The following DNAH11 variants were observed in gnomAD, a reference collection of about 807,000 sequenced individuals.
The protein encoded by DNAH11 is axonemal beta dynein heavy chain 11.
A neutral mutation model predicts 526.0 loss-of-function variants in DNAH11; 442 were observed. That is an observed-to-expected ratio of 0.84 (90% CI 0.78 to 0.91). The LOEUF is 0.91. DNAH11 is among the 40% of genes least tolerant of loss of function. The pLI is 0.00. For synonymous variants in DNAH11, 2,461 were observed against 1,935.9 expected (o/e 1.27, Z -7.12); for missense variants, 6,989 against 5,448.7 (o/e 1.28, Z -8.90).
At chr7:21,734,161 G>A (rs1189238141) in intron 45 of DNAH11, among the ~76,000 whole-genome samples, 1 of 152,180 alleles carries the variant, frequency 6.6e-6, no homozygotes, top group Non-Finnish European at 1.5e-5. Context: ...CTTACTAGTA[G>A]CTATGACCTT....
intron 63 of DNAH11, among the ~76,000 whole-genome samples, chr7:21,813,442 G>T (rs1385023918): frequency 1.3e-5 from 2 of 152,166 alleles, no homozygotes; most frequent in Non-Finnish European, 2.9e-5. Context: ...TGGAAAGAAT[G>T]AATCTATATG....
chr7:21,860,781 A>G (rs1217311818), intron 68 of DNAH11, among the ~76,000 whole-genome samples: 3 of 152,202 alleles, frequency 2.0e-5, no homozygotes, highest in Non-Finnish European at 2.9e-5. Flanking sequence ...TGATTTATAA[A>G]GAAAAAGAGG....
chr7:21,603,414 T>G (rs1785166698), intron 18 of DNAH11, among the ~76,000 whole-genome samples: 1 of 152,238 alleles, frequency 6.6e-6, no homozygotes, highest in African/African-American at 2.4e-5. Flanking sequence ...TTCTTTTCAG[T>G]ACACCTAGGA....
chr7:21,901,012 C>G lies in DNAH11; in HGVS notation c.13309C>G (p.Arg4437Gly). ...YLHGLFMEGA[R>G]WDTQAGTIVE... is the part of the protein sequence containing the mutation. The stretch of plus-strand genomic sequence containing the variant: ...CCGCTGTGTTTTTGCCATAGGCGCC[C>G]GCTGGGACACCCAAGCAGGAACCAT... The change falls in exon 82 of 82, where the codon CGC becomes GGC. Residue 4437 changes from arginine (R) to glycine (G), a missense_variant. Transcript: ENST00000409508. 1 of 1,591,692 alleles carries G rather than the reference C, an allele frequency of 6.3e-7. No individual in the cohort carries two copies. Among genetic ancestry groups the G allele is most frequent in the South Asian group, 1.1e-5 (1 of 87,582 alleles).
chr7:21,808,786 G>A (rs906842058), intron 63 of DNAH11, among the ~76,000 whole-genome samples: 5 of 152,114 alleles, frequency 3.3e-5, no homozygotes, highest in Admixed American at 2.0e-4. Context: ...CCCATCTGTT[G>A]TTGGACACTT....
intron 26 of DNAH11, among the ~76,000 whole-genome samples, chr7:21,637,241 C>G (rs1194094260): frequency 6.6e-6 from 1 of 151,852 alleles, no homozygotes; most frequent in African/African-American, 2.4e-5. Flanking sequence ...TCTCCTCCCC[C>G]TCTGCCCCCA....
intron 61 of DNAH11, among the ~76,000 whole-genome samples, chr7:21,794,277 G>T (rs967751904): frequency 7.2e-5 from 11 of 152,108 alleles, no homozygotes; most frequent in African/African-American, 2.2e-4. Flanking sequence ...ATTTGGAGAG[G>T]TCATGGCTCC....
At chr7:21,552,516 T>C (rs1213786127) in intron 2 of DNAH11, among the ~76,000 whole-genome samples, 1 of 152,132 alleles carries the variant, frequency 6.6e-6, no homozygotes, top group Non-Finnish European at 1.5e-5. Context: ...ACTTGCAATC[T>C]CCATTCGTCT....
In DNAH11 at chr7:21,591,008, A is replaced by G; in HGVS notation, c.2260A>G (p.Asn754Asp). 1 of 1,512,174 alleles carries G rather than the reference A, an allele frequency of 6.6e-7. No individual in the cohort carries two copies. Among genetic ancestry groups the G allele is most frequent in the Non-Finnish European group, 8.8e-7 (1 of 1,140,088 alleles). The allele number at this position is 1,512,174 out of a possible 1,614,324, so 93.7% of individuals were successfully genotyped here. A position where few individuals can be genotyped will look rare whatever the true frequency, so the allele number is the denominator to read the frequency against. Residue 754 changes from asparagine to aspartate, a missense_variant, in exon 13 of 82, where the codon AAC (asparagine) becomes GAC (aspartate). By Grantham distance (23) the Asn-to-Asp change is conservative. Coordinates refer to ENST00000409508, the MANE Select transcript of DNAH11 (RefSeq NM_001277115.2). The part of the protein sequence containing the change: ...DSALAIFKKR[N>D]TILKYIGNLD... The stretch of plus-strand genomic sequence containing the variant: ...AGCTTTAGCCATCTTCAAGAAAAGG[A>G]ACACTATTTTAAAGGTTTGTGATTT...
chr7:21,822,189 A>C (rs906510254), intron 65 of DNAH11, among the ~76,000 whole-genome samples: 1 of 151,958 alleles, frequency 6.6e-6, no homozygotes, highest in Non-Finnish European at 1.5e-5. Flanking sequence ...GTTTGATTTA[A>C]CTCATGGTTC....
chr7:21,559,603 G>A lies in DNAH11; in HGVS notation c.693G>A (p.Lys231=). The change falls in exon 4 of 82, where the codon AAG becomes AAA. Residue 231 remains lysine (K), a splice_region_variant and synonymous_variant. Transcript: ENST00000409508. ...TATTTTATTATCTTAATGTTTGTAG[G>A]CCACCGTCAAACGAAAGGATAATAC... The part of the protein sequence containing the change: ...MDLDQNCSEN[K]PPSNERIILH... 6.3e-7 allele frequency: 1 copy of A among 1,597,322 alleles called. No homozygotes were observed. The highest frequency in any genetic ancestry group is 8.5e-7 in the Non-Finnish European group (1 of 1,172,008).
At chr7:21,864,682 A>G (rs1029079111) in intron 70 of DNAH11, 25 bp downstream of exon 70, 8 of 1,549,928 alleles carry the variant, frequency 5.2e-6, no homozygotes, top group Non-Finnish European at 7.0e-6. Flanking sequence ...CAGTTTCTCA[A>G]ATTCTGGATC....
rs146815254 is a variant in DNAH11, at chr7:21,789,234, T to C, written c.9925-7T>C. The C allele has an allele frequency of 1.7e-4, 261 of 1,556,500 alleles. No homozygotes were observed. In the Middle Eastern group the frequency reaches 2.8e-3, roughly 17 times the overall value. ...CTTTGTATCTGTATTAATTCATGAA[T>C]TTTCAGGTCTACTGTGATGTGGAGC... is the stretch of plus-strand genomic sequence containing the variant. On this transcript the variant is annotated splice_polypyrimidine_tract_variant and splice_region_variant and intron_variant, in intron 60 of 81. Coordinates refer to ENST00000409508, the MANE Select transcript of DNAH11 (RefSeq NM_001277115.2).
intron 25 of DNAH11, among the ~76,000 whole-genome samples, chr7:21,622,821 G>A (rs1429478144): frequency 2.6e-5 from 4 of 152,108 alleles, no homozygotes; most frequent in East Asian, 3.9e-4. Context: ...ATTAATTCAC[G>A]ATGGATTAAA....
At position 21,814,360 on chromosome 7, in the gene DNAH11, AT is replaced by A. The variant is rs1196430514; in HGVS notation, c.10333-2100del. Among the ~76,000 whole-genome samples, 3 of 148,748 alleles carry A rather than the reference AT, an allele frequency of 2.0e-5. No homozygotes were observed. The East Asian group carries it at 5.8e-4, about 29-fold the overall frequency. ...TTATTTATTTATTTATTTTTTTTTT[AT>A]TTTTTTATTTTTATTTTTTATACTT... On this transcript the variant is annotated intron_variant, in intron 63 of 81. Transcript: ENST00000409508.
intron 60 of DNAH11, among the ~76,000 whole-genome samples, 200 bp from the exon 61 acceptor site, chr7:21,789,041 C>T (rs1279567548): frequency 6.6e-6 from 1 of 152,044 alleles, no homozygotes; most frequent in Non-Finnish European, 1.5e-5. Flanking sequence ...GTAATCTCAG[C>T]ACTTTGGGAG....
At chr7:21,845,100 G>T (rs1413723434) in intron 66 of DNAH11, among the ~76,000 whole-genome samples, 1 of 152,038 alleles carries the variant, frequency 6.6e-6, no homozygotes, top group Non-Finnish European at 1.5e-5. Context: ...AAAGTTGCAG[G>T]AGTTCTTGTA....
chr7:21,693,943 G>T (rs1783738062), intron 35 of DNAH11, among the ~76,000 whole-genome samples: 1 of 152,164 alleles, frequency 6.6e-6, no homozygotes, highest in South Asian at 2.1e-4. Flanking sequence ...TGGACCAGGA[G>T]AGAGAACACG....
chr7:21,876,959 A>G (rs1320703566), intron 74 of DNAH11, among the ~76,000 whole-genome samples: 1 of 152,234 alleles, frequency 6.6e-6, no homozygotes, highest in Non-Finnish European at 1.5e-5. Flanking sequence ...TAAGGAAGGC[A>G]ATCAGCAGTC....
Sources: allele counts gnomAD v4.1 joint callset (sites outside exome capture counted in the v4.1 genomes callset), GRCh38; gene constraint gnomAD v4.1.1; transcripts MANE v1.5; gene names NCBI Gene and HGNC (gene_info 2026-07-23, HGNC 2026-07-21).